HAO1: variants seen among roughly 807,000 people sequenced by gnomAD.
HAO1 encodes the protein hydroxyacid oxidase 1.
In HAO1, 34 loss-of-function variants were observed where a neutral mutation model predicts 39.7. The ratio of observed to expected loss-of-function variants is 0.86; its 90% CI spans 0.65 to 1.14. The LOEUF (loss-of-function observed/expected upper bound fraction) is 1.14, where lower values mean the gene tolerates loss of function less well. Among genes scored for constraint, HAO1 ranks in the 50% most tolerant of loss-of-function variants. The pLI, the probability that HAO1 is intolerant of heterozygous loss-of-function variation, is 0.00. For missense variants in HAO1, 479 were observed against 464.5 expected, an observed-to-expected ratio of 1.03 and a Z score of -0.29; for synonymous variants, 172 against 173.2, an observed-to-expected ratio of 0.99 and a Z score of 0.05.
At chr20:7,901,403 C>G (rs1015710793) in intron 4 of HAO1, among the ~76,000 whole-genome samples, 4 of 152,116 alleles carry the variant, frequency 2.6e-5, no homozygotes, top group Non-Finnish European at 4.4e-5. Flanking sequence ...GCAAATATAA[C>G]CCTAGGAATT....
At position 7,895,221 on chromosome 20, in the gene HAO1, T is replaced by A. The variant is rs2050191305; in HGVS notation, c.725A>T (p.Asp242Val). The A allele has an allele frequency of 6.2e-7, 1 of 1,603,004 alleles. No individual in the cohort carries two copies. The highest frequency in any genetic ancestry group is 2.2e-5 in the East Asian group (1 of 44,782). Residue 242 changes from aspartate (D) to valine (V), a missense_variant, in exon 5 of 8, where the codon GAT becomes GTT. By Grantham distance (152) the Asp-to-Val change is radical. Transcript: ENST00000378789. ...ATGTTTAACAGCCTCCCTGGCATCATCACCTGGAGAGAGTAAAACAAGCAC... is the reference window on the plus strand; with the variant it reads ...ATGTTTAACAGCCTCCCTGGCATCAACACCTGGAGAGAGTAAAACAAGCAC... The part of the protein sequence containing the change: ...PIVAKGILRG[D>V]DAREAVKHGL...
Position 7,883,325 on chromosome 20 carries a change from G to T in HAO1, c.*268C>A. 2.2e-6 allele frequency: 1 copy of T among 454,948 alleles called. No individual in the cohort carries two copies. The highest frequency in any genetic ancestry group is 4.0e-6 in the Non-Finnish European group (1 of 250,444). 28.2% of individuals were successfully genotyped at this position (454,948 alleles called of 1,614,324 possible). On this transcript the variant is annotated 3_prime_UTR_variant, in exon 8 of 8. Transcript: ENST00000378789. ...GCACTTTAGCCTGCCAGGGGATGACGTTGTCTAAACACATTTTCAATGTTT... is the reference window on the plus strand; with the variant it reads ...GCACTTTAGCCTGCCAGGGGATGACTTTGTCTAAACACATTTTCAATGTTT...
intron 4 of HAO1, among the ~76,000 whole-genome samples, chr20:7,900,449 CG>C (rs1357787954): frequency 6.6e-6 from 1 of 152,118 alleles, no homozygotes; most frequent in East Asian, 1.9e-4. Context: ...TCTAACAGCA[CG>C]TGCTCAATTG....
chr20:7,924,223 G>GTTGTTGTTTGT (rs141089245), intron 2 of HAO1, among the ~76,000 whole-genome samples: 1 of 149,846 alleles, frequency 6.7e-6, no homozygotes, highest in Non-Finnish European at 1.5e-5. Flanking sequence ...TGTTGTTGTT[G>GTTGTTGTTTGT]TTGTTTGTTT....
rs181940390 is a variant in HAO1 at position 7,927,417 on chromosome 20, C to T, written c.289+7067G>A. Reference sequence around the variant, plus strand: ...AAAAATGATCTGCTAGAGTTTCAAACGGATGTGCCATTATAAGTAGAGGCA... The same window carrying T: ...AAAAATGATCTGCTAGAGTTTCAAATGGATGTGCCATTATAAGTAGAGGCA... On this transcript the variant is annotated intron_variant, in intron 2 of 7. Coordinates refer to ENST00000378789, the MANE Select transcript of HAO1 (RefSeq NM_017545.3). 4.6e-5 allele frequency among the ~76,000 whole-genome samples: 7 copies of T among 151,912 alleles called. No homozygotes were observed. The East Asian group carries it at 5.8e-4, about 13-fold the overall frequency.
chr20:7,926,199 C>G (rs954940319), intron 2 of HAO1, among the ~76,000 whole-genome samples: 5 of 152,134 alleles, frequency 3.3e-5, no homozygotes, highest in Non-Finnish European at 5.9e-5. Flanking sequence ...ACCACCATTA[C>G]TGGCACTAGA....
intron 2 of HAO1, among the ~76,000 whole-genome samples, chr20:7,933,751 C>A (rs571209126): frequency 2.6e-5 from 4 of 152,142 alleles, no homozygotes; most frequent in Non-Finnish European, 5.9e-5. Context: ...TTCTGGAGCA[C>A]AATTTGGGGA....
chr20:7,925,495 C>G (rs1242495081), intron 2 of HAO1, among the ~76,000 whole-genome samples: 1 of 152,138 alleles, frequency 6.6e-6, no homozygotes, highest in Non-Finnish European at 1.5e-5. Context: ...AACTCTGCAA[C>G]AGACTAAAAC....
Position 7,895,175 on chromosome 20 carries a change from C to A in HAO1, c.771G>T (p.Val257=). The part of the protein sequence containing the change: ...AVKHGLNGIL[V]SNHGARQLDG... ...CGAGTTGTCGAGCCCCATGATTCGACACCAAGATCCCATTCAAGCCATGTT... is the reference window on the plus strand; with the variant it reads ...CGAGTTGTCGAGCCCCATGATTCGAAACCAAGATCCCATTCAAGCCATGTT... The change falls in exon 5 of 8, where the codon GTG becomes GTT. Residue 257 remains valine (V), a synonymous_variant. Coordinates refer to ENST00000378789, the MANE Select transcript of HAO1 (RefSeq NM_017545.3). 2 of 1,612,978 alleles carry A rather than the reference C, an allele frequency of 1.2e-6. No homozygotes were observed. Among genetic ancestry groups the A allele is most frequent in the South Asian group, 1.1e-5 (1 of 91,048 alleles).
chr20:7,899,116 G>A (rs773954865), intron 4 of HAO1, among the ~76,000 whole-genome samples: 3 of 151,954 alleles, frequency 2.0e-5, no homozygotes, highest in East Asian at 1.9e-4. Flanking sequence ...CTGTACAGGA[G>A]GAAGAAGTGA....
At chr20:7,932,802 T>C (rs34671595) in intron 2 of HAO1, among the ~76,000 whole-genome samples, 14,460 of 152,182 alleles carry the variant, frequency 0.095, 1,073 homozygotes, top group East Asian at 0.31. Flanking sequence ...ATGAAAATCC[T>C]TGCAGAAATG....
At chr20:7,935,524 A>T (rs2050406220) in intron 1 of HAO1, among the ~76,000 whole-genome samples, 1 of 152,226 alleles carries the variant, frequency 6.6e-6, no homozygotes, top group Non-Finnish European at 1.5e-5. Flanking sequence ...TTATTTAGTT[A>T]TATGCCATAT....
chr20:7,887,700 G>T (rs1169342618), intron 5 of HAO1, among the ~76,000 whole-genome samples: 1 of 152,018 alleles, frequency 6.6e-6, no homozygotes, highest in Non-Finnish European at 1.5e-5. Flanking sequence ...ATCTAGCTTG[G>T]GTTCAATACA....
intron 2 of HAO1, among the ~76,000 whole-genome samples, chr20:7,927,267 C>T (rs1170341071): frequency 1.3e-5 from 2 of 152,124 alleles, no homozygotes; most frequent in East Asian, 3.9e-4. Flanking sequence ...AATGATACCA[C>T]CTATTTTATA....
chr20:7,885,862 A>C lies in HAO1; in HGVS notation c.816T>G (p.Ile272Met). The C allele has an allele frequency of 6.2e-7, 1 of 1,612,574 alleles. No individual in the cohort carries two copies. Among genetic ancestry groups the C allele is most frequent in the Non-Finnish European group, 8.5e-7 (1 of 1,178,912 alleles). Reference protein sequence around the residue: ...ARQLDGVPATIDVLPEIVEAV... With the variant: ...ARQLDGVPATMDVLPEIVEAV... ...CCTCCACAATTTCTGGCAGAACATC[A>C]ATCTGGGGAAAGAAAAGTTCAATAA... is the stretch of plus-strand genomic sequence containing the variant. Residue 272 changes from isoleucine to methionine, a missense_variant and splice_region_variant, in exon 6 of 8, where the codon ATT becomes ATG. Ile to Met is a conservative substitution (Grantham distance 10). Transcript: ENST00000378789.
At chr20:7,894,439 T>TA (rs905041332) in intron 5 of HAO1, among the ~76,000 whole-genome samples, 11 of 152,044 alleles carry the variant, frequency 7.2e-5, no homozygotes, top group African/African-American at 2.7e-4. Context: ...CTGATAGCTT[T>TA]AAAAAAATAC....
At chr20:7,934,128 C>G (rs924986756) in intron 2 of HAO1, among the ~76,000 whole-genome samples, 4 of 152,112 alleles carry the variant, frequency 2.6e-5, no homozygotes, top group Non-Finnish European at 4.4e-5. Flanking sequence ...TTTCCTGAGA[C>G]AGTACTATTA....
At chr20:7,899,583 T>C (rs549496719) in intron 4 of HAO1, among the ~76,000 whole-genome samples, 46 of 152,272 alleles carry the variant, frequency 3.0e-4, no homozygotes, top group African/African-American at 1.1e-3. Flanking sequence ...TCAGGTAGTA[T>C]TGGGAATATA....
At chr20:7,923,421 T>C (rs2050343834) in intron 2 of HAO1, among the ~76,000 whole-genome samples, 1 of 152,150 alleles carries the variant, frequency 6.6e-6, no homozygotes, top group Non-Finnish European at 1.5e-5. Context: ...AAATCCATTG[T>C]GTACATAAAT....
Sources: gnomAD v4.1 joint callset for allele counts (sites outside exome capture counted in the v4.1 genomes callset) on GRCh38, gnomAD v4.1.1 for gene constraint, MANE v1.5 for transcripts, NCBI Gene and HGNC (gene_info 2026-07-23, HGNC 2026-07-21) for gene names.